TBC1D8: variants seen among roughly 807,000 people sequenced by gnomAD.
TBC1D8 encodes the protein TBC1 domain family member 8, also known as BUB2-like protein 1.
Under a neutral mutation model 118.8 loss-of-function variants are expected in TBC1D8, and 65 were observed. The ratio of observed to expected loss-of-function variants is 0.55; its 90% CI spans 0.45 to 0.67. The LOEUF (loss-of-function observed/expected upper bound fraction) is 0.67. Ranked by LOEUF, TBC1D8 falls within the 30% of genes least tolerant of loss-of-function variation. The pLI, the probability that TBC1D8 is intolerant of heterozygous loss-of-function variation, is 0.00. For missense variants in TBC1D8, 1,376 were observed against 1,471.2 expected, an observed-to-expected ratio of 0.94 and a Z score of 1.06; for synonymous variants, 566 against 595.8, an observed-to-expected ratio of 0.95 and a Z score of 0.73.
chr2:101,135,254 T>C (rs1276285914), intron 1 of TBC1D8, among the ~76,000 whole-genome samples: 1 of 152,204 alleles, frequency 6.6e-6, no homozygotes, highest in Non-Finnish European at 1.5e-5. Context: ...ACCTTCCAGT[T>C]CTACAAGAGG....
chr2:101,149,714 C>A (rs1247714445), intron 1 of TBC1D8, among the ~76,000 whole-genome samples: 1 of 152,184 alleles, frequency 6.6e-6, no homozygotes, highest in African/African-American at 2.4e-5. Flanking sequence ...CTTCCCAGGG[C>A]ACCACCCACC....
chr2:101,130,196 C>T (rs982227595), intron 1 of TBC1D8, among the ~76,000 whole-genome samples: 4 of 152,232 alleles, frequency 2.6e-5, no homozygotes, highest in Admixed American at 2.6e-4. Context: ...GAGTCCACTT[C>T]ATTCCAGTCA....
rs70943064 is a variant in TBC1D8, at chr2:101,122,383, CAAAAAAAAAAAAAAA to C, written c.127+28729_127+28743del. ...ACCGCGCCCGGCCAAGACTCCATTT[CAAAAAAAAAAAAAAA>C]AAAAAAAAAAAAAGCATGGATAATG... On this transcript the variant is annotated intron_variant, in intron 1 of 19. Transcript: ENST00000409318. Among the ~76,000 whole-genome samples the C allele has an allele frequency of 3.6e-4, 26 of 71,944 alleles. 1 individual carries two copies. The highest frequency in any genetic ancestry group is 1.6e-3 in the East Asian group (3 of 1,912). The allele number at this position is 71,944 out of a possible 152,430, so 47.2% of individuals were successfully genotyped here.
intron 15 of TBC1D8, among the ~76,000 whole-genome samples, chr2:101,026,706 G>A (rs1290114311): frequency 6.6e-6 from 1 of 152,118 alleles, no homozygotes; most frequent in Non-Finnish European, 1.5e-5. Context: ...AGTCCACAAC[G>A]TGCCTGCCTC....
chr2:101,010,078 G>A (rs954609405), intron 19 of TBC1D8, among the ~76,000 whole-genome samples: 1 of 151,790 alleles, frequency 6.6e-6, no homozygotes, highest in Non-Finnish European at 1.5e-5. Context: ...CACCCGCCTC[G>A]GCCTCCCAAA....
chr2:101,081,308 G>A (rs1675246743), intron 2 of TBC1D8, among the ~76,000 whole-genome samples: 1 of 152,134 alleles, frequency 6.6e-6, no homozygotes, highest in Non-Finnish European at 1.5e-5. Context: ...CCCAGGTAAG[G>A]TGGTCTCCTG....
At chr2:101,096,166 C>A (rs1676405703) in intron 1 of TBC1D8, among the ~76,000 whole-genome samples, 1 of 152,120 alleles carries the variant, frequency 6.6e-6, no homozygotes, top group South Asian at 2.1e-4. Context: ...TCAGACAATT[C>A]TCCCACCTTG....
chr2:101,144,675 G>T (rs555482125), intron 1 of TBC1D8, among the ~76,000 whole-genome samples: 1 of 152,156 alleles, frequency 6.6e-6, no homozygotes, highest in African/African-American at 2.4e-5. Context: ...GGTGGCTCAC[G>T]CCTGTAATCC....
rs555533169 is a variant in TBC1D8, at chr2:101,028,372, G to T, written c.2283C>A (p.Ala761=). ...SPGPPVGSHH[A]FFSDDQEPYP... ...AGGGCTCCTGGTCGTCGGAGAAAAAGGCATGGTGGCTGCCAACTGGGGGCC... is the reference window on the plus strand; with the variant it reads ...AGGGCTCCTGGTCGTCGGAGAAAAATGCATGGTGGCTGCCAACTGGGGGCC... Residue 761 remains alanine, a synonymous_variant, in exon 13 of 20, where the codon GCC becomes GCA. Coordinates refer to ENST00000409318, the MANE Select transcript of TBC1D8 (RefSeq NM_001330348.2). The T allele has an allele frequency of 5.0e-6, 8 of 1,611,666 alleles. No homozygotes were observed. The East Asian group carries it at 1.6e-4, about 31-fold the overall frequency.
At chr2:101,125,754 GTA>G (rs1678321576) in intron 1 of TBC1D8, among the ~76,000 whole-genome samples, 1 of 152,220 alleles carries the variant, frequency 6.6e-6, no homozygotes, top group Non-Finnish European at 1.5e-5. Context: ...ATATCTAAAT[GTA>G]TTGTTTAAAA....
At chr2:101,110,159 T>G (rs911595341) in intron 1 of TBC1D8, among the ~76,000 whole-genome samples, 6 of 152,238 alleles carry the variant, frequency 3.9e-5, no homozygotes, top group Admixed American at 1.3e-4. Context: ...AGTGCAGCAA[T>G]TCTTTCATTC....
chr2:101,024,958 A>C (rs1680252713), intron 15 of TBC1D8, among the ~76,000 whole-genome samples: 2 of 152,232 alleles, frequency 1.3e-5, no homozygotes, highest in Non-Finnish European at 2.9e-5. Context: ...TCACTAAAAA[A>C]GTATGAGAAA....
chr2:101,038,103 A>C (rs1282044103), intron 7 of TBC1D8, among the ~76,000 whole-genome samples: 1 of 152,142 alleles, frequency 6.6e-6, no homozygotes, highest in Non-Finnish European at 1.5e-5. Context: ...AGAGACATGA[A>C]AAAAGGAGAC....
chr2:101,132,998 T>C (rs1476332902), intron 1 of TBC1D8, among the ~76,000 whole-genome samples: 1 of 151,866 alleles, frequency 6.6e-6, no homozygotes, highest in African/African-American at 2.4e-5. Context: ...TTACTTAAAA[T>C]GTACATCTCA....
At chr2:101,074,232 GC>G (rs1213383276) in intron 2 of TBC1D8, among the ~76,000 whole-genome samples, 2 of 152,188 alleles carry the variant, frequency 1.3e-5, no homozygotes, top group Non-Finnish European at 1.5e-5. Flanking sequence ...CAAGAAGGTG[GC>G]CCAGTGGGTG....
rs375904507 is a variant in TBC1D8 at position 101,015,543 on chromosome 2, A to G, written c.2828-4003T>C. Reference sequence around the variant, plus strand: ...AACACATTGTACAGCTGTGAAAAATATTTCCTTTATATTCTTATTCTATAA... The same window carrying G: ...AACACATTGTACAGCTGTGAAAAATGTTTCCTTTATATTCTTATTCTATAA... On this transcript the variant is annotated intron_variant, in intron 17 of 19. Coordinates refer to ENST00000409318, the MANE Select transcript of TBC1D8 (RefSeq NM_001330348.2). Among the ~76,000 whole-genome samples, 6 of 152,340 alleles carry G rather than the reference A, an allele frequency of 3.9e-5. No homozygotes were observed. The South Asian group carries it at 8.3e-4, about 21-fold the overall frequency.
chr2:101,071,127 C>G (rs1683286252), intron 2 of TBC1D8, among the ~76,000 whole-genome samples: 1 of 151,986 alleles, frequency 6.6e-6, no homozygotes, highest in Non-Finnish European at 1.5e-5. Context: ...ATCACGAGGT[C>G]AGGAGATGGA....
At chr2:101,131,164 A>G (rs551203828) in intron 1 of TBC1D8, among the ~76,000 whole-genome samples, 2 of 152,300 alleles carry the variant, frequency 1.3e-5, no homozygotes, top group East Asian at 3.9e-4. Context: ...CAGCCTCCCA[A>G]GTAGCTGAGA....
intron 1 of TBC1D8, among the ~76,000 whole-genome samples, chr2:101,144,612 A>C (rs530934493): frequency 5.3e-5 from 8 of 152,316 alleles, no homozygotes; most frequent in African/African-American, 1.9e-4. Context: ...ATCCATGCTG[A>C]AAGAATTACC....
Sources: gnomAD v4.1 joint callset for allele counts (sites outside exome capture counted in the v4.1 genomes callset) on GRCh38, gnomAD v4.1.1 for gene constraint, MANE v1.5 for transcripts, NCBI Gene and HGNC (gene_info 2026-07-23, HGNC 2026-07-21) for gene names.